The following KRIT1 variants were observed in gnomAD, a reference collection of about 807,000 sequenced individuals.
KRIT1 encodes the protein KRIT1 ankyrin repeat containing.
A neutral mutation model predicts 95.8 loss-of-function variants in KRIT1; 45 were observed. The observed-to-expected ratio is 0.47, with a 90% CI of 0.37 to 0.60. The LOEUF is 0.60. Ranked by LOEUF, KRIT1 falls within the 20% of genes least tolerant of loss-of-function variation. The pLI is 0.00. For missense variants in KRIT1, 788 were observed against 877.5 expected (o/e 0.90, Z 1.29); for synonymous variants, 282 against 278.8 (o/e 1.01, Z -0.11).
intron 14 of KRIT1, among the ~76,000 whole-genome samples, chr7:92,219,912 T>C (rs1212182437): frequency 6.6e-6 from 1 of 152,230 alleles, no homozygotes. Context: ...TCTTAATCTC[T>C]TTCTTGTATT....
At chr7:92,216,518 A>G (rs1302305482) in intron 14 of KRIT1, among the ~76,000 whole-genome samples, 2 of 152,062 alleles carry the variant, frequency 1.3e-5, no homozygotes, top group African/African-American at 2.4e-5. Flanking sequence ...AATTTGAATC[A>G]GATATTATGT....
intron 14 of KRIT1, among the ~76,000 whole-genome samples, chr7:92,220,491 G>A (rs570327815): frequency 4.1e-4 from 62 of 152,124 alleles, no homozygotes; most frequent in African/African-American, 1.3e-3. Flanking sequence ...ACCAAGTTTG[G>A]ACATGGCTGT....
At position 92,234,799 on chromosome 7, in the gene KRIT1, A is replaced by C. The variant is rs140152251; in HGVS notation, c.845+9T>G. ...ATAAAAGCAATGTGGAGTAAAACCG[A>C]AACAGTACTTGTCTTCTGTGACACT... On this transcript the variant is annotated intron_variant, in intron 9 of 18. Transcript: ENST00000394505. 2.4e-4 allele frequency: 361 copies of C among 1,500,064 alleles called. No individual in the cohort carries two copies. Among genetic ancestry groups the C allele is most frequent in the Admixed American group, 3.5e-4 (21 of 59,890 alleles). 92.9% of individuals were successfully genotyped at this position (1,500,064 alleles called of 1,614,324 possible). A position where few individuals can be genotyped will look rare whatever the true frequency, so the allele number is the denominator to read the frequency against.
At chr7:92,230,277 A>G (rs1797020704) in intron 10 of KRIT1, among the ~76,000 whole-genome samples, 1 of 152,128 alleles carries the variant, frequency 6.6e-6, no homozygotes, top group Non-Finnish European at 1.5e-5. Context: ...GTTAGAAGCC[A>G]GTTTTCTGAA....
intron 14 of KRIT1, among the ~76,000 whole-genome samples, chr7:92,215,776 T>TA (rs1188171886): frequency 1.3e-5 from 2 of 150,002 alleles, no homozygotes; most frequent in African/African-American, 4.9e-5. Context: ...TTTTTTTTTT[T>TA]AAAACTATAA....
At chr7:92,199,283 T>C (rs1366157494), downstream of KRIT1, 1 of 152,210 alleles carries the variant, frequency 6.6e-6, no homozygotes, top group African/African-American at 2.4e-5. Flanking sequence ...TACTTAACCA[T>C]ACAATCTTAA....
rs909824155 is a variant in KRIT1 at position 92,201,317 on chromosome 7, T to C, written c.2132A>G (p.His711Arg). 8 of 1,402,500 alleles carry C rather than the reference T, an allele frequency of 5.7e-6. No homozygotes were observed. The East Asian group carries it at 6.9e-5, about 12-fold the overall frequency. The allele number at this position is 1,402,500 out of a possible 1,614,324, so 86.9% of individuals were successfully genotyped here. ...SMENKMSFIV[H>R]TKQAGLVVKL... is the part of the protein sequence containing the mutation. ...ATAAATGATACTTACCTGTTTTGTA[T>C]GTACTATAAAGCTCATTTTATTTTC... Residue 711 changes from histidine to arginine, a missense_variant, in exon 18 of 19, where the codon CAT becomes CGT. His to Arg is a conservative substitution (Grantham distance 29). This residue lies in a region of KRIT1 where 493 missense variants were observed against 582.3 expected (regional missense o/e 0.85). Coordinates refer to ENST00000394505, the MANE Select transcript of KRIT1 (RefSeq NM_194454.3).
Position 92,200,757 on chromosome 7 carries a change from C to T in KRIT1, c.2190G>A (p.Met730Ile), listed in dbSNP as rs1195398332. Residue 730 changes from methionine to isoleucine, a missense_variant, in exon 19 of 19, where the codon ATG (methionine) becomes ATA (isoleucine). Coordinates refer to ENST00000394505, the MANE Select transcript of KRIT1 (RefSeq NM_194454.3). ...TCTTTCATGAATTTCTTTCAGTGGG[C>T]ATTAACTGTCCATTTAGCTTCATTA... ...KLLMKLNGQL[M>I]PTERNS 1.2e-6 allele frequency: 2 copies of T among 1,606,334 alleles called. No individual in the cohort carries two copies. Among genetic ancestry groups the T allele is most frequent in the African/African-American group, 2.7e-5 (2 of 74,868 alleles).
intron 9 of KRIT1, 67 bp downstream of exon 9, chr7:92,234,741 T>C: frequency 4.3e-6 from 5 of 1,161,990 alleles, no homozygotes; most frequent in Non-Finnish European, 6.5e-6. Flanking sequence ...TATATAATTT[T>C]AAACAATACT....
At chr7:92,228,005 T>C (rs1796547473) in intron 10 of KRIT1, among the ~76,000 whole-genome samples, 1 of 151,822 alleles carries the variant, frequency 6.6e-6, no homozygotes, top group African/African-American at 2.4e-5. Flanking sequence ...AGAGCAAGAC[T>C]CCGTCTCAGT....
intron 7 of KRIT1, 23 bp downstream of exon 7, chr7:92,236,390 A>G (rs1584988501): frequency 1.2e-5 from 19 of 1,535,370 alleles, no homozygotes; most frequent in Non-Finnish European, 1.6e-5. Context: ...TAATTAAAAG[A>G]TACTTCTAAC....
chr7:92,202,031 T>C (rs1028146976), intron 17 of KRIT1, among the ~76,000 whole-genome samples: 4 of 152,212 alleles, frequency 2.6e-5, no homozygotes, highest in Non-Finnish European at 5.9e-5. Context: ...TTATTTTCTT[T>C]CTGCAGGTTA....
chr7:92,225,307 G>A, intron 12 of KRIT1, among the ~76,000 whole-genome samples: 1 of 152,054 alleles, frequency 6.6e-6, no homozygotes, highest in East Asian at 1.9e-4. Flanking sequence ...CTACAATGAG[G>A]TTTTTTGTTT....
At chr7:92,236,784 A>G (rs1379646906) in intron 6 of KRIT1, among the ~76,000 whole-genome samples, 1 of 152,138 alleles carries the variant, frequency 6.6e-6, no homozygotes, top group Non-Finnish European at 1.5e-5. Flanking sequence ...CTTCCTCAAC[A>G]ATGCTGTAAA....
Position 92,214,599 on chromosome 7 carries a change from T to C in KRIT1, c.1730+12A>G, listed in dbSNP as rs1257977593. On this transcript the variant is annotated intron_variant, in intron 15 of 18. Coordinates refer to ENST00000394505, the MANE Select transcript of KRIT1 (RefSeq NM_194454.3). ...GCATAGCACAAGACCATGCATAATA[T>C]TAAATACTTACTTTAGGAAACCTTG... The C allele has an allele frequency of 3.8e-6, 6 of 1,592,814 alleles. No homozygotes were observed. Among genetic ancestry groups the C allele is most frequent in the Admixed American group, 3.3e-5 (2 of 59,936 alleles).
At chr7:92,244,248 A>C (rs1006576559) in intron 2 of KRIT1, 99 bp from the exon 3 acceptor site, 4 of 152,252 alleles carry the variant, frequency 2.6e-5, no homozygotes, top group African/African-American at 9.6e-5. Context: ...ACCTAAAAGA[A>C]AAATCAAGTA....
Position 92,221,950 on chromosome 7 carries a change from C to G in KRIT1, c.1515G>C (p.Gln505His). Residue 505 changes from glutamine to histidine, a missense_variant, in exon 14 of 19, where the codon CAG (glutamine) becomes CAC (histidine). By Grantham distance (24) the Gln-to-His change is conservative. Transcript: ENST00000394505. Reference sequence around the variant, plus strand: ...GTCTCACATCTCTTCTTAGAAAAAGCTGAGGTGTTTCCCTTTGAGGATCCA... The same window carrying G: ...GTCTCACATCTCTTCTTAGAAAAAGGTGAGGTGTTTCCCTTTGAGGATCCA... Reference protein sequence around the residue: ...TNLDPQRETPQLFLRRDVRLP... With the variant: ...TNLDPQRETPHLFLRRDVRLP... 3 of 1,613,788 alleles carry G rather than the reference C, an allele frequency of 1.9e-6. No individual in the cohort carries two copies. The highest frequency in any genetic ancestry group is 2.5e-6 in the Non-Finnish European group (3 of 1,179,750).
downstream of KRIT1, chr7:92,199,403 A>C (rs1334893447): frequency 6.6e-6 from 1 of 152,258 alleles, no homozygotes; most frequent in Admixed American, 6.5e-5. Flanking sequence ...ATATGACTAT[A>C]TCTCTGAACT....
intron 10 of KRIT1, among the ~76,000 whole-genome samples, chr7:92,228,668 G>C (rs931062146): frequency 6.6e-6 from 1 of 151,990 alleles, no homozygotes; most frequent in Admixed American, 6.6e-5. Context: ...GGGGTGTGTC[G>C]TACAGATTAT....
Sources: allele counts gnomAD v4.1 joint callset (sites outside exome capture counted in the v4.1 genomes callset), GRCh38; gene constraint gnomAD v4.1.1; regional missense constraint gnomAD v4.1.1; transcripts MANE v1.5; gene names NCBI Gene and HGNC (gene_info 2026-07-23, HGNC 2026-07-21).